The following DLG2 variants were observed in gnomAD, a reference collection of about 807,000 sequenced individuals.
DLG2 encodes disks large homolog 2.
DLG2 carries 45 observed loss-of-function variants against 132.5 expected under a neutral mutation model. That is an observed-to-expected ratio of 0.34 (90% confidence interval 0.27 to 0.44). The LOEUF is 0.44. DLG2 is among the 20% of genes least tolerant of loss of function. The probability of loss-of-function intolerance (pLI) is 1.00; values close to 1 mark genes in which losing one functional copy is unlikely to be tolerated. For missense variants in DLG2, 1,045 were observed against 1,196.9 expected (o/e 0.87, Z 1.87); for synonymous variants, 424 against 419.6 (o/e 1.01, Z -0.13).
intron 6 of DLG2, among the ~76,000 whole-genome samples, chr11:84,911,068 G>A (rs2092010870): frequency 6.6e-6 from 1 of 152,044 alleles, no homozygotes; most frequent in East Asian, 1.9e-4. Context: ...CAATTAGAAT[G>A]AAAAATAATT....
chr11:84,735,473 C>T (rs560825356), intron 6 of DLG2, among the ~76,000 whole-genome samples: 39 of 152,182 alleles, frequency 2.6e-4, no homozygotes, highest in Non-Finnish European at 5.0e-4. Flanking sequence ...TCTGTGGCAT[C>T]GGTGGTGATA....
At chr11:84,157,912 T>C (rs2154257911) in intron 9 of DLG2, among the ~76,000 whole-genome samples, 1 of 152,328 alleles carries the variant, frequency 6.6e-6, no homozygotes, top group East Asian at 1.9e-4. Flanking sequence ...TGTTTACAAA[T>C]TGCCCAAGGG....
At chr11:84,545,080 G>C (rs1293994847) in intron 6 of DLG2, 2 of 453,740 alleles carry the variant, frequency 4.4e-6, no homozygotes, top group Non-Finnish European at 8.8e-6. Flanking sequence ...GTAACCTGTA[G>C]CTTCCCTGTC....
chr11:83,519,231 C>T (rs750522353), intron 21 of DLG2, among the ~76,000 whole-genome samples: 21 of 152,132 alleles, frequency 1.4e-4, no homozygotes, highest in Non-Finnish European at 2.6e-4. Context: ...ACTGAGTCTT[C>T]CCTAGCACTC....
intron 3 of DLG2, among the ~76,000 whole-genome samples, chr11:85,394,050 A>T (rs529780518): frequency 5.3e-5 from 8 of 152,236 alleles, no homozygotes; most frequent in Admixed American, 3.3e-4. Context: ...CCCCAAAAAA[A>T]CCTATTGAAA....
At chr11:84,052,705 AACAG>A (rs2096416164) in intron 11 of DLG2, among the ~76,000 whole-genome samples, 1 of 147,454 alleles carries the variant, frequency 6.8e-6, no homozygotes, top group Non-Finnish European at 1.5e-5. Flanking sequence ...AAAAAAAAAA[AACAG>A]ATGCAGGCAA....
intron 5 of DLG2, among the ~76,000 whole-genome samples, chr11:85,116,367 AATC>A (rs1441373245): frequency 1.3e-5 from 2 of 151,872 alleles, no homozygotes; most frequent in African/African-American, 4.8e-5. Context: ...AGTGCCTCCA[AATC>A]ATCAATTTCA....
At chr11:83,945,379 C>G (rs1194845852) in intron 14 of DLG2, among the ~76,000 whole-genome samples, 1 of 152,042 alleles carries the variant, frequency 6.6e-6, no homozygotes, top group East Asian at 1.9e-4. Context: ...AGCAGATAAC[C>G]AGACCTTTAT....
chr11:85,198,352 A>T (rs964480562), intron 4 of DLG2, among the ~76,000 whole-genome samples: 6 of 152,162 alleles, frequency 3.9e-5, no homozygotes, highest in Non-Finnish European at 7.4e-5. Context: ...CACACTGAAA[A>T]TTATGAAAAT....
intron 21 of DLG2, among the ~76,000 whole-genome samples, chr11:83,530,132 CAAAT>C (rs2095703280): frequency 6.6e-6 from 1 of 151,870 alleles, no homozygotes; most frequent in South Asian, 2.1e-4. Context: ...CTATCTCAAA[CAAAT>C]AAGAGGTCTA....
rs1270532389 is a variant in DLG2 at position 83,459,309 on chromosome 11, G to A, written c.*509C>T. 1 of 152,866 alleles carries A rather than the reference G, an allele frequency of 6.5e-6. No individual in the cohort carries two copies. The highest frequency in any genetic ancestry group is 2.4e-5 in the African/African-American group (1 of 41,446). 9.5% of individuals were successfully genotyped at this position (152,866 alleles called of 1,614,324 possible). On this transcript the variant is annotated 3_prime_UTR_variant, in exon 28 of 28. Coordinates refer to ENST00000376104, the MANE Select transcript of DLG2 (RefSeq NM_001142699.3). Reference sequence around the variant, plus strand: ...CACACTTATCCTTCCCTGATAGTATGTCATCTCCAAAGGGATTCCTTTCTT... The same window carrying A: ...CACACTTATCCTTCCCTGATAGTATATCATCTCCAAAGGGATTCCTTTCTT...
In DLG2 at chr11:83,850,947, C is replaced by A. The variant is rs187104112; in HGVS notation, c.1566-17177G>T. On this transcript the variant is annotated intron_variant, in intron 16 of 27. Transcript: ENST00000376104. ...ATCCCACTACTTTGGGAGGCCGAGG[C>A]GGGCAGATCACGAGGTCAGGAGATC... 7.4e-3 allele frequency among the ~76,000 whole-genome samples: 1,126 copies of A among 152,126 alleles called. 17 individuals carry two copies. The highest frequency in any genetic ancestry group is 0.02 in the African/African-American group (838 of 41,516).
At chr11:84,401,458 G>T (rs2098829032) in intron 7 of DLG2, among the ~76,000 whole-genome samples, 1 of 151,900 alleles carries the variant, frequency 6.6e-6, no homozygotes. Flanking sequence ...TTTGCCCAGG[G>T]GTTAGCAGAG....
chr11:85,256,133 G>A (rs2076651484), intron 4 of DLG2, among the ~76,000 whole-genome samples: 1 of 152,136 alleles, frequency 6.6e-6, no homozygotes, highest in South Asian at 2.1e-4. Context: ...TTGCCTTTTG[G>A]CCAGCCACGC....
chr11:84,148,274 A>G (rs1248184046), intron 9 of DLG2, among the ~76,000 whole-genome samples: 2 of 152,156 alleles, frequency 1.3e-5, no homozygotes, highest in Non-Finnish European at 2.9e-5. Context: ...TTATAAAGGC[A>G]TATTGTGTGA....
intron 5 of DLG2, among the ~76,000 whole-genome samples, chr11:85,136,559 C>A (rs1476258840): frequency 2.0e-5 from 3 of 152,090 alleles, no homozygotes; most frequent in Non-Finnish European, 4.4e-5. Context: ...AAAGCCTCAG[C>A]CTGCAAGCTG....
chr11:85,447,956 C>G (rs1376800302), intron 3 of DLG2, among the ~76,000 whole-genome samples: 5 of 152,114 alleles, frequency 3.3e-5, no homozygotes, highest in African/African-American at 1.2e-4. Context: ...TAGGAATTCT[C>G]TGAACTTGGA....
intron 6 of DLG2, among the ~76,000 whole-genome samples, chr11:84,607,308 T>C (rs1351595376): frequency 6.6e-6 from 1 of 152,186 alleles, no homozygotes; most frequent in African/African-American, 2.4e-5. Flanking sequence ...AGTATACAGA[T>C]AGAACTTATT....
intron 4 of DLG2, among the ~76,000 whole-genome samples, chr11:85,270,190 T>C (rs1282336801): frequency 1.3e-5 from 2 of 152,190 alleles, no homozygotes; most frequent in Non-Finnish European, 2.9e-5. Flanking sequence ...AGGGACCTAA[T>C]GGGAGGTAAT....
Sources: allele counts gnomAD v4.1 joint callset (sites outside exome capture counted in the v4.1 genomes callset), GRCh38; gene constraint gnomAD v4.1.1; transcripts MANE v1.5; gene names NCBI Gene and HGNC (gene_info 2026-07-23, HGNC 2026-07-21).